Variants in NUP153 observed in about 807,000 individuals in gnomAD.
The protein encoded by NUP153 is nucleoporin 153.
NUP153 carries 27 observed loss-of-function variants against 134.6 expected under a neutral mutation model. The observed-to-expected ratio is 0.20, with a 90% CI of 0.15 to 0.28. The LOEUF (loss-of-function observed/expected upper bound fraction) is 0.28, where lower values mean the gene tolerates loss of function less well. Ranked by LOEUF, NUP153 falls within the 10% of genes least tolerant of loss-of-function variation. NUP153 has a pLI of 1.00. For missense variants in NUP153, 1,821 were observed against 1,731.3 expected (o/e 1.05, Z -0.92); for synonymous variants, 640 against 623.5 (o/e 1.03, Z -0.40).
At chr6:17,619,187 C>T (rs780464053) in intron 20 of NUP153, among the ~76,000 whole-genome samples, 6 of 152,192 alleles carry the variant, frequency 3.9e-5, no homozygotes, top group Non-Finnish European at 8.8e-5. Context: ...GAAAAGTCTA[C>T]AATGGAGAAA....
chr6:17,696,359 T>C (rs933086709), intron 1 of NUP153, among the ~76,000 whole-genome samples: 1 of 152,196 alleles, frequency 6.6e-6, no homozygotes, highest in African/African-American at 2.4e-5. Flanking sequence ...AACCCACCTA[T>C]GTTTTGAGGA....
rs1324246555 is a variant in NUP153, at chr6:17,615,793, C to G, written c.*304G>C. The G allele has an allele frequency of 6.9e-6, 2 of 289,592 alleles. No homozygotes were observed. Among genetic ancestry groups the G allele is most frequent in the Non-Finnish European group, 1.3e-5 (2 of 154,956 alleles). 17.9% of individuals were successfully genotyped at this position (289,592 alleles called of 1,614,324 possible). A position where few individuals can be genotyped will look rare whatever the true frequency, so the allele number is the denominator to read the frequency against. On this transcript the variant is annotated 3_prime_UTR_variant, in exon 22 of 22. Transcript: ENST00000262077. The surrounding 1 kb of genome is among the most constrained non-coding windows in gnomAD (Gnocchi z 5.7). Reference sequence around the variant, plus strand: ...GTAGACAAAGAGGTTCTATACAAAGCCATTCACCGTGCAGGCTCCATTCCT... The same window carrying G: ...GTAGACAAAGAGGTTCTATACAAAGGCATTCACCGTGCAGGCTCCATTCCT...
intron 1 of NUP153, among the ~76,000 whole-genome samples, chr6:17,690,083 G>C (rs986254015): frequency 2.6e-5 from 4 of 151,998 alleles, no homozygotes; most frequent in African/African-American, 9.7e-5. Flanking sequence ...TATGGGCTTT[G>C]GGCTCATGCC....
At position 17,615,770 on chromosome 6, in the gene NUP153, A is replaced by G. The variant is rs1764279298; in HGVS notation, c.*327T>C. Reference sequence around the variant, plus strand: ...CGCTTATCAGCGCACATAATGGTGTAGACAAAGAGGTTCTATACAAAGCCA... The same window carrying G: ...CGCTTATCAGCGCACATAATGGTGTGGACAAAGAGGTTCTATACAAAGCCA... On this transcript the variant is annotated 3_prime_UTR_variant, in exon 22 of 22. Transcript: ENST00000262077. The surrounding 1 kb of genome is among the most constrained non-coding windows in gnomAD (Gnocchi z 5.7). 8.8e-6 allele frequency: 2 copies of G among 227,380 alleles called. No homozygotes were observed. The highest frequency in any genetic ancestry group is 1.7e-5 in the Non-Finnish European group (2 of 116,526). 14.1% of individuals were successfully genotyped at this position (227,380 alleles called of 1,614,324 possible). A position where few individuals can be genotyped will look rare whatever the true frequency, so the allele number is the denominator to read the frequency against.
chr6:17,624,118 G>A (rs1410952445), intron 20 of NUP153, among the ~76,000 whole-genome samples: 2 of 152,160 alleles, frequency 1.3e-5, no homozygotes, highest in Admixed American at 6.5e-5. Flanking sequence ...TAAATATGCA[G>A]TTCAAATGGA....
chr6:17,644,406 A>G (rs1359438751), intron 14 of NUP153, among the ~76,000 whole-genome samples: 1 of 152,198 alleles, frequency 6.6e-6, no homozygotes, highest in Non-Finnish European at 1.5e-5. Context: ...TGCAGTCAGA[A>G]TAAAATCCAA....
intron 1 of NUP153, among the ~76,000 whole-genome samples, chr6:17,696,556 C>T (rs762788302): frequency 2.3e-4 from 35 of 151,968 alleles, no homozygotes; most frequent in Non-Finnish European, 4.6e-4. Context: ...GAGATCGAGA[C>T]CATCCTGGCT....
At chr6:17,622,638 C>T (rs1176259041) in intron 20 of NUP153, among the ~76,000 whole-genome samples, 1 of 151,880 alleles carries the variant, frequency 6.6e-6, no homozygotes, top group African/African-American at 2.4e-5. Context: ...AGAAAGATCT[C>T]CTAAAATTGA....
intron 1 of NUP153, among the ~76,000 whole-genome samples, chr6:17,705,011 C>T (rs1581795378): frequency 2.0e-5 from 3 of 152,182 alleles, no homozygotes; most frequent in African/African-American, 7.2e-5. Context: ...CCCGCCTCGG[C>T]CTCCCAAAGT....
At chr6:17,624,997 C>T (rs1055552464) in intron 19 of NUP153, among the ~76,000 whole-genome samples, 164 bp from the exon 20 acceptor site, 9 of 152,138 alleles carry the variant, frequency 5.9e-5, no homozygotes, top group African/African-American at 1.4e-4. Context: ...GAGAATACAA[C>T]GCTCTCTACC....
Position 17,637,271 on chromosome 6 carries a change from A to G in NUP153, c.2346T>C (p.Gly782=). The change falls in exon 16 of 22, where the codon GGT becomes GGC. Residue 782 remains glycine, a synonymous_variant. Coordinates refer to ENST00000262077, the MANE Select transcript of NUP153 (RefSeq NM_005124.4). ...TGAATTTATCTCCAAATCCTAAGGT[A>G]CCAGTGGTTACAGTGCAGCTGGAAG... ...ASSSSCTVTT[G]TLGFGDKFKR... 1.2e-6 allele frequency: 2 copies of G among 1,614,230 alleles called. No individual in the cohort carries two copies. Among genetic ancestry groups the G allele is most frequent in the Non-Finnish European group, 1.7e-6 (2 of 1,180,040 alleles).
chr6:17,635,708 T>C (rs1189262832), intron 16 of NUP153, among the ~76,000 whole-genome samples: 1 of 152,214 alleles, frequency 6.6e-6, no homozygotes, highest in Non-Finnish European at 1.5e-5. Flanking sequence ...CTATTGCCTA[T>C]ATGATTGATA....
At chr6:17,642,497 TA>T (rs1295090938) in intron 14 of NUP153, among the ~76,000 whole-genome samples, 1 of 152,094 alleles carries the variant, frequency 6.6e-6, no homozygotes, top group Non-Finnish European at 1.5e-5. Context: ...AAATCAAAAC[TA>T]CAACAAAGTA....
chr6:17,643,642 A>G (rs1765974911), intron 14 of NUP153, among the ~76,000 whole-genome samples: 1 of 152,214 alleles, frequency 6.6e-6, no homozygotes, highest in African/African-American at 2.4e-5. Context: ...GGAAAAGGAG[A>G]CAATGGAAAA....
chr6:17,622,487 C>G (rs1581659077), intron 20 of NUP153, among the ~76,000 whole-genome samples: 1 of 152,156 alleles, frequency 6.6e-6, no homozygotes, highest in East Asian at 1.9e-4. Flanking sequence ...AAAGGATTTT[C>G]TAACATCTTT....
At chr6:17,616,290 G>GGGGGGGGGGGGGGGGGCCCC in intron 21 of NUP153, 109 bp from the exon 22 acceptor site, 2 of 473,856 alleles carry the variant, frequency 4.2e-6, no homozygotes, top group Non-Finnish European at 3.9e-6. Flanking sequence ...GGTGGGGGGG[G>GGGGGGGGGGGGGGGGGCCCC]AGTAGACTCA....
intron 1 of NUP153, among the ~76,000 whole-genome samples, chr6:17,704,274 AGAGC>A (rs1332206764): frequency 6.6e-6 from 1 of 150,756 alleles, no homozygotes; most frequent in African/African-American, 2.4e-5. Context: ...CCTGGGTGAC[AGAGC>A]GAGACTCCGT....
intron 12 of NUP153, 92 bp from the exon 13 acceptor site, chr6:17,647,997 AAGAC>A (rs1561873299): frequency 1.3e-6 from 1 of 747,206 alleles, no homozygotes; most frequent in South Asian, 1.6e-5. Context: ...GATTATTCCA[AAGAC>A]ACTAAGTATT....
Position 17,649,222 on chromosome 6 carries a change from G to C in NUP153, c.1474C>G (p.Pro492Ala). 1 of 1,613,888 alleles carries C rather than the reference G, an allele frequency of 6.2e-7. No homozygotes were observed. Among genetic ancestry groups the C allele is most frequent in the Non-Finnish European group, 8.5e-7 (1 of 1,179,888 alleles). ...SSLPTFNFSS[P>A]EITTSSPSPI... ...GATGGAGAGGAAGTTGTGATCTCAG[G>C]GGAACTAAAATTAAAGGTAGGCAGT... Residue 492 changes from proline to alanine, a missense_variant, in exon 12 of 22, where the codon CCT becomes GCT. Physicochemically the swap from Pro to Ala is conservative, Grantham distance 27 (BLOSUM62 -1). Transcript: ENST00000262077.
Sources: allele counts gnomAD v4.1 joint callset (sites outside exome capture counted in the v4.1 genomes callset), GRCh38; gene constraint gnomAD v4.1.1; non-coding constraint Gnocchi (gnomAD v3.1); transcripts MANE v1.5; gene names NCBI Gene and HGNC (gene_info 2026-07-23, HGNC 2026-07-21).